MTHFD1L: variants seen among roughly 807,000 people sequenced by gnomAD.
MTHFD1L encodes monofunctional C1-tetrahydrofolate synthase, mitochondrial.
In MTHFD1L, 81 loss-of-function variants were observed where a neutral mutation model predicts 119.5. The observed-to-expected ratio is 0.68, with a 90% CI of 0.57 to 0.82. The LOEUF (loss-of-function observed/expected upper bound fraction) is 0.82. Ranked by LOEUF, MTHFD1L falls within the 40% of genes least tolerant of loss-of-function variation. The pLI, the probability that MTHFD1L is intolerant of heterozygous loss-of-function variation, is 0.00. For missense variants in MTHFD1L, 1,125 were observed against 1,253.4 expected (o/e 0.90, Z 1.55); for synonymous variants, 430 against 475.2 (o/e 0.90, Z 1.24).
At chr6:151,077,792 G>A (rs551325353) in intron 26 of MTHFD1L, among the ~76,000 whole-genome samples, 4 of 151,058 alleles carry the variant, frequency 2.6e-5, no homozygotes, top group South Asian at 2.1e-4. Flanking sequence ...GGCCAGGCGC[G>A]GTGGCTCACG....
At chr6:150,866,315 G>A (rs1205809936) in intron 1 of MTHFD1L, 2 of 1,463,668 alleles carry the variant, frequency 1.4e-6, no homozygotes, top group Middle Eastern at 2.1e-4. Flanking sequence ...TAGCGGCATG[G>A]ACCGCACGCC....
At chr6:151,053,230 G>A (rs537323988) in intron 26 of MTHFD1L, among the ~76,000 whole-genome samples, 4 of 152,288 alleles carry the variant, frequency 2.6e-5, no homozygotes, top group East Asian at 3.9e-4. Flanking sequence ...AGGCCATGGA[G>A]ACCAGTAGCC....
intron 26 of MTHFD1L, among the ~76,000 whole-genome samples, chr6:151,067,289 C>A (rs1033293306): frequency 2.0e-5 from 3 of 151,938 alleles, no homozygotes; most frequent in Non-Finnish European, 4.4e-5. Context: ...TTGGTTTGAC[C>A]AGTTAAAAAC....
chr6:151,078,868 C>T (rs1251255970), intron 26 of MTHFD1L, among the ~76,000 whole-genome samples: 1 of 151,928 alleles, frequency 6.6e-6, no homozygotes, highest in Non-Finnish European at 1.5e-5. Context: ...CAGTGTGGCT[C>T]CAGGAATGGA....
intron 7 of MTHFD1L, among the ~76,000 whole-genome samples, chr6:150,893,101 G>A (rs1347279014): frequency 6.6e-6 from 1 of 152,144 alleles, no homozygotes; most frequent in African/African-American, 2.4e-5. Flanking sequence ...GGCTCACTCT[G>A]TTACCCAGGC....
chr6:151,033,309 G>A (rs755708027), intron 24 of MTHFD1L, among the ~76,000 whole-genome samples: 5 of 151,854 alleles, frequency 3.3e-5, no homozygotes, highest in East Asian at 3.9e-4. Context: ...TAGCAGAGAC[G>A]GGGTTTCACC....
intron 8 of MTHFD1L, among the ~76,000 whole-genome samples, chr6:150,909,612 T>C (rs1307701283): frequency 6.6e-6 from 1 of 152,190 alleles, no homozygotes; most frequent in African/African-American, 2.4e-5. Context: ...AAACAGCAGA[T>C]TTCATCATAA....
intron 26 of MTHFD1L, among the ~76,000 whole-genome samples, chr6:151,058,507 T>G (rs1395582716): frequency 1.3e-5 from 2 of 152,240 alleles, no homozygotes; most frequent in African/African-American, 4.8e-5. Flanking sequence ...CATTTGCAGA[T>G]TTTCAGTATG....
At chr6:151,014,383 A>G (rs1052854554) in intron 22 of MTHFD1L, among the ~76,000 whole-genome samples, 1 of 152,254 alleles carries the variant, frequency 6.6e-6, no homozygotes, top group African/African-American at 2.4e-5. Flanking sequence ...TCCAGGTCAG[A>G]AACAAATATG....
At chr6:150,924,957 C>G (rs578032389) in intron 10 of MTHFD1L, among the ~76,000 whole-genome samples, 2 of 152,276 alleles carry the variant, frequency 1.3e-5, no homozygotes, top group African/African-American at 4.8e-5. Context: ...AACCTGAACT[C>G]CTAGTTTCTC....
intron 19 of MTHFD1L, among the ~76,000 whole-genome samples, chr6:150,968,803 C>T (rs905603236): frequency 9.4e-6 from 1 of 106,232 alleles, no homozygotes; most frequent in Non-Finnish European, 1.8e-5. Context: ...GCGTGAGCCA[C>T]CATGCCCCAG....
chr6:151,096,643 G>A (rs1343582997), intron 27 of MTHFD1L, among the ~76,000 whole-genome samples: 3 of 152,162 alleles, frequency 2.0e-5, no homozygotes, highest in Non-Finnish European at 4.4e-5. Context: ...GAAATGTCTG[G>A]CTTGCTGACG....
chr6:150,951,714 A>G (rs1794904149), intron 16 of MTHFD1L, among the ~76,000 whole-genome samples: 1 of 152,174 alleles, frequency 6.6e-6, no homozygotes, highest in Non-Finnish European at 1.5e-5. Context: ...AGAAGCCTAC[A>G]TATTTTCTTT....
At chr6:151,054,222 G>GA (rs1031592846) in intron 26 of MTHFD1L, among the ~76,000 whole-genome samples, 101 of 151,742 alleles carry the variant, frequency 6.7e-4, no homozygotes, top group African/African-American at 2.3e-3. Flanking sequence ...ATTTCAGACA[G>GA]AAAAAAAATG....
At chr6:151,054,359 C>T (rs1170541500) in intron 26 of MTHFD1L, among the ~76,000 whole-genome samples, 1 of 152,112 alleles carries the variant, frequency 6.6e-6, no homozygotes, top group East Asian at 1.9e-4. Context: ...TACAGGGACA[C>T]CATGATGGGG....
chr6:150,898,350 C>T (rs539752320), intron 7 of MTHFD1L, among the ~76,000 whole-genome samples: 194 of 152,234 alleles, frequency 1.3e-3, no homozygotes, highest in African/African-American at 4.5e-3. Flanking sequence ...GAACGCAGGT[C>T]GCAGGACTCC....
intron 15 of MTHFD1L, among the ~76,000 whole-genome samples, chr6:150,947,998 T>G (rs1026491408): frequency 6.7e-5 from 10 of 148,804 alleles, no homozygotes; most frequent in Admixed American, 4.0e-4. Flanking sequence ...TTTTTTTTTG[T>G]TTGTTTTTTG....
chr6:150,866,176 G>T, intron 1 of MTHFD1L, 127 bp downstream of exon 1: 1 of 1,371,644 alleles, frequency 7.3e-7, no homozygotes. Context: ...AACTCATTAG[G>T]GGGGCCGGGC....
intron 2 of MTHFD1L, 120 bp from the exon 3 acceptor site, chr6:150,877,514 T>C: frequency 3.5e-6 from 4 of 1,126,820 alleles, no homozygotes; most frequent in Non-Finnish European, 5.1e-6. Context: ...ATTGTTTTTC[T>C]GCACCTTCCA....
Sources: gnomAD v4.1 joint callset for allele counts (sites outside exome capture counted in the v4.1 genomes callset) on GRCh38, gnomAD v4.1.1 for gene constraint, MANE v1.5 for transcripts, NCBI Gene and HGNC (gene_info 2026-07-23, HGNC 2026-07-21) for gene names.